Variants in ESF1 observed in about 807,000 individuals in gnomAD.
ESF1 encodes the protein ESF1 homolog.
ESF1 carries 58 observed loss-of-function variants against 92.0 expected under a neutral mutation model. The ratio of observed to expected loss-of-function variants is 0.63; its 90% CI spans 0.51 to 0.78. The LOEUF (loss-of-function observed/expected upper bound fraction) is 0.78, where lower values mean the gene tolerates loss of function less well. ESF1 is among the 30% of genes least tolerant of loss of function. The pLI is 0.00. For synonymous variants in ESF1, 321 were observed against 313.7 expected (o/e 1.02, Z -0.24); for missense variants, 922 against 989.1 (o/e 0.93, Z 0.91).
chr20:13,784,851 C>T, intron 1 of ESF1, 29 bp downstream of exon 1: 2 of 590,802 alleles, frequency 3.4e-6, no homozygotes, highest in Admixed American at 3.0e-5. Context: ...TCATCTCGAG[C>T]TCTTCAACTC....
chr20:13,768,409 C>G (rs1047519613), intron 7 of ESF1, among the ~76,000 whole-genome samples: 1 of 152,042 alleles, frequency 6.6e-6, no homozygotes, highest in African/African-American at 2.4e-5. Context: ...ATGGTGAAAC[C>G]CCGTCTGTAC....
intron 9 of ESF1, among the ~76,000 whole-genome samples, chr20:13,739,186 G>GC (rs2049995268): frequency 1.3e-5 from 2 of 151,032 alleles, no homozygotes; most frequent in Admixed American, 1.3e-4. Context: ...CAATGAACAC[G>GC]TTTTTTTTTG....
intron 10 of ESF1, among the ~76,000 whole-genome samples, chr20:13,730,692 C>T (rs2049936962): frequency 2.6e-5 from 4 of 150,952 alleles, no homozygotes; most frequent in African/African-American, 4.9e-5. Context: ...CCAGAACAAG[C>T]GCTTCTAAGA....
chr20:13,730,386 T>TC (rs1358985847), intron 10 of ESF1, among the ~76,000 whole-genome samples: 4 of 130,930 alleles, frequency 3.1e-5, no homozygotes, highest in Admixed American at 3.0e-4. Context: ...GAACAAGTGC[T>TC]TTTTTTTTTT....
Position 13,754,261 on chromosome 20 carries a change from C to G in ESF1, c.1828+5431G>C, listed in dbSNP as rs114338741. Among the ~76,000 whole-genome samples, 1,366 of 152,226 alleles carry G rather than the reference C, an allele frequency of 9.0e-3. 29 individuals are homozygous for G. Among genetic ancestry groups the G allele is most frequent in the African/African-American group, 0.031 (1,273 of 41,530 alleles). On this transcript the variant is annotated intron_variant, in intron 9 of 13. Coordinates refer to ENST00000617257, the MANE Select transcript of ESF1 (RefSeq NM_001276380.2). ...TTGACCCATATTCTCACTGAAATGC[C>G]TTCTTTATTGGCAGGCTGAATACCC... is the stretch of plus-strand genomic sequence containing the variant.
intron 9 of ESF1, among the ~76,000 whole-genome samples, chr20:13,754,079 A>G (rs1469397239): frequency 6.6e-6 from 1 of 152,174 alleles, no homozygotes; most frequent in Admixed American, 6.5e-5. Flanking sequence ...ATATTTTAGA[A>G]AAAGAGTTGC....
intron 9 of ESF1, among the ~76,000 whole-genome samples, chr20:13,751,978 GA>G (rs1178455391): frequency 6.6e-6 from 1 of 151,942 alleles, no homozygotes; most frequent in African/African-American, 2.4e-5. Context: ...CCAGGCGACA[GA>G]AGAATGTCTC....
chr20:13,767,580 C>T (rs1284044334), intron 7 of ESF1, among the ~76,000 whole-genome samples: 5 of 151,134 alleles, frequency 3.3e-5, no homozygotes, highest in Non-Finnish European at 7.4e-5. Context: ...CATGTTTTTT[C>T]ACCTGGAGTT....
intron 8 of ESF1, among the ~76,000 whole-genome samples, chr20:13,764,796 A>G (rs1466275233): frequency 6.6e-6 from 1 of 152,090 alleles, no homozygotes; most frequent in Admixed American, 6.6e-5. Context: ...GGTTGGCCTT[A>G]TAGTTTCAGG....
chr20:13,771,005 TC>T (rs1030143256), intron 6 of ESF1, among the ~76,000 whole-genome samples: 34 of 152,222 alleles, frequency 2.2e-4, no homozygotes, highest in African/African-American at 7.5e-4. Context: ...TGCCCCTTCC[TC>T]CATGCATTTT....
At chr20:13,760,323 C>T (rs1343112515) in intron 8 of ESF1, among the ~76,000 whole-genome samples, 101 of 150,334 alleles carry the variant, frequency 6.7e-4, no homozygotes, top group African/African-American at 2.3e-3. Flanking sequence ...CGCCTCTTCC[C>T]GGCCGCCATC....
chr20:13,767,368 A>G (rs1979477090), intron 7 of ESF1, among the ~76,000 whole-genome samples: 1 of 152,074 alleles, frequency 6.6e-6, no homozygotes, highest in African/African-American at 2.4e-5. Context: ...CTCTACATGA[A>G]AAATTAGCTG....
intron 13 of ESF1, 140 bp downstream of exon 13, chr20:13,717,228 G>T: frequency 3.0e-6 from 3 of 1,009,144 alleles, no homozygotes; most frequent in Non-Finnish European, 2.9e-6. Context: ...AAAAAGTGTT[G>T]GGATTATAGG....
At chr20:13,779,590 A>C (rs560151844) in intron 2 of ESF1, among the ~76,000 whole-genome samples, 1 of 152,218 alleles carries the variant, frequency 6.6e-6, no homozygotes, top group East Asian at 1.9e-4. Flanking sequence ...GCTGGAGTGC[A>C]GTGGCACGAT....
At chr20:13,784,490 A>G (rs1980539757) in intron 1 of ESF1, among the ~76,000 whole-genome samples, 1 of 152,166 alleles carries the variant, frequency 6.6e-6, no homozygotes, top group Non-Finnish European at 1.5e-5. Context: ...AAATGTTTAG[A>G]AGGAAAGCAC....
chr20:13,727,631 C>G (rs1400135021), intron 11 of ESF1, among the ~76,000 whole-genome samples: 1 of 152,040 alleles, frequency 6.6e-6, no homozygotes, highest in East Asian at 1.9e-4. Context: ...ACTGACTTAC[C>G]AAGTATGGCC....
chr20:13,719,011 G>A lies in ESF1; in HGVS notation c.2039-27C>T. On this transcript the variant is annotated intron_variant, in intron 11 of 13. Coordinates refer to ENST00000617257, the MANE Select transcript of ESF1 (RefSeq NM_001276380.2). ...TGGCACAACAAACCAACATAAGAGT[G>A]GTAAAAATTACAGGACTATCAGCAA... 3 of 1,539,614 alleles carry A rather than the reference G, an allele frequency of 1.9e-6. 1 individual carries two copies. Among genetic ancestry groups the A allele is most frequent in the Non-Finnish European group, 2.6e-6 (3 of 1,138,446 alleles).
At chr20:13,756,719 G>C (rs1978913904) in intron 9 of ESF1, among the ~76,000 whole-genome samples, 1 of 152,000 alleles carries the variant, frequency 6.6e-6, no homozygotes, top group African/African-American at 2.4e-5. Context: ...ATGTAGAGTT[G>C]CTGTGTGAGC....
rs6134960 is a variant in ESF1 at position 13,717,515 on chromosome 20, C to T, written c.2116-1G>A. The stretch of plus-strand genomic sequence containing the variant: ...CCATCATAAGCAAAGCCATTTCAGC[C>T]TGTAGAGAGCAAAAAAAAGTTCAAA... On this transcript the variant is annotated splice_acceptor_variant, in intron 12 of 13. Transcript: ENST00000617257. LOFTEE classifies it high-confidence loss of function. The T allele has an allele frequency of 6.2e-7, 1 of 1,612,476 alleles. No homozygotes were observed. Among genetic ancestry groups the T allele is most frequent in the South Asian group, 1.1e-5 (1 of 90,700 alleles).
Sources: gnomAD v4.1 joint callset for allele counts (sites outside exome capture counted in the v4.1 genomes callset) on GRCh38, gnomAD v4.1.1 for gene constraint, MANE v1.5 for transcripts, NCBI Gene and HGNC (gene_info 2026-07-23, HGNC 2026-07-21) for gene names.